Variants in DIAPH3 observed in about 807,000 individuals in gnomAD.
DIAPH3 encodes the protein diaphanous related formin 3, also known as protein diaphanous homolog 3.
A neutral mutation model predicts 144.3 loss-of-function variants in DIAPH3; 117 were observed. That is an observed-to-expected ratio of 0.81 (90% CI 0.70 to 0.95). DIAPH3 has a LOEUF of 0.95. DIAPH3 is among the 40% of genes least tolerant of loss of function. The pLI, the probability that DIAPH3 is intolerant of heterozygous loss-of-function variation, is 0.00. For missense variants in DIAPH3, 1,421 were observed against 1,412.7 expected, an observed-to-expected ratio of 1.01 and a Z score of -0.09; for synonymous variants, 519 against 488.9, an observed-to-expected ratio of 1.06 and a Z score of -0.81.
intron 24 of DIAPH3, 44 bp from the exon 25 acceptor site, chr13:59,810,967 T>C (rs2139557500): frequency 6.5e-7 from 1 of 1,543,234 alleles, no homozygotes; most frequent in Non-Finnish European, 8.8e-7. Context: ...CAGTGATTCA[T>C]CCCGCAAAAT....
At chr13:59,914,426 T>C (rs2047135812) in intron 19 of DIAPH3, among the ~76,000 whole-genome samples, 1 of 152,214 alleles carries the variant, frequency 6.6e-6, no homozygotes, top group African/African-American at 2.4e-5. Flanking sequence ...TTAGAAAGTA[T>C]GATAGGCACA....
chr13:59,839,200 G>T, intron 23 of DIAPH3, 124 bp downstream of exon 23: 2 of 1,212,530 alleles, frequency 1.6e-6, no homozygotes, highest in African/African-American at 1.5e-5. Flanking sequence ...GAAGGCAAAG[G>T]TTAAACTTTC....
chr13:60,123,267 A>G (rs945473658), intron 2 of DIAPH3, among the ~76,000 whole-genome samples: 1 of 152,204 alleles, frequency 6.6e-6, no homozygotes, highest in Non-Finnish European at 1.5e-5. Flanking sequence ...CTGATTGTCT[A>G]TACATCCATT....
intron 25 of DIAPH3, among the ~76,000 whole-genome samples, chr13:59,793,582 T>C (rs944761108): frequency 6.6e-6 from 1 of 152,216 alleles, no homozygotes; most frequent in African/African-American, 2.4e-5. Flanking sequence ...TACCAGACTT[T>C]CTTGGTCTTC....
intron 25 of DIAPH3, among the ~76,000 whole-genome samples, chr13:59,802,767 C>T (rs1382913612): frequency 7.3e-6 from 1 of 137,142 alleles, no homozygotes; most frequent in Non-Finnish European, 1.6e-5. Flanking sequence ...CTGCAAGCTC[C>T]GCTTCGCGGG....
chr13:59,709,535 T>C (rs1391473228), intron 27 of DIAPH3, among the ~76,000 whole-genome samples: 6 of 152,130 alleles, frequency 3.9e-5, no homozygotes, highest in East Asian at 3.9e-4. Context: ...CAAATCAAAA[T>C]CACAATGAGA....
At chr13:59,764,892 T>C (rs2037790505) in intron 27 of DIAPH3, among the ~76,000 whole-genome samples, 2 of 152,174 alleles carry the variant, frequency 1.3e-5, no homozygotes, top group Non-Finnish European at 2.9e-5. Flanking sequence ...CAATTTGTGA[T>C]AATTTGCTAT....
At chr13:60,023,976 C>T (rs1324718943) in intron 5 of DIAPH3, among the ~76,000 whole-genome samples, 3 of 151,358 alleles carry the variant, frequency 2.0e-5, no homozygotes, top group African/African-American at 7.3e-5. Context: ...CTGCCTCAGC[C>T]TCCCAAGTAG....
chr13:60,144,216 C>A (rs560032700), intron 1 of DIAPH3, among the ~76,000 whole-genome samples: 2 of 152,122 alleles, frequency 1.3e-5, no homozygotes, highest in African/African-American at 4.8e-5. Context: ...TTTCCCAATA[C>A]GGATGCCTAT....
chr13:59,680,941 A>C (rs778547932), intron 27 of DIAPH3, among the ~76,000 whole-genome samples: 3 of 152,120 alleles, frequency 2.0e-5, no homozygotes, highest in Non-Finnish European at 2.9e-5. Flanking sequence ...ACACGGAAGC[A>C]ATGTGTTCTG....
At chr13:60,133,206 T>G (rs1368834842) in intron 1 of DIAPH3, among the ~76,000 whole-genome samples, 1 of 152,026 alleles carries the variant, frequency 6.6e-6, no homozygotes, top group Admixed American at 6.6e-5. Flanking sequence ...TTACTAAAAT[T>G]TTTTTACTTT....
intron 19 of DIAPH3, among the ~76,000 whole-genome samples, 180 bp downstream of exon 19, chr13:59,915,975 A>G (rs921276776): frequency 6.6e-6 from 1 of 152,168 alleles, no homozygotes; most frequent in Non-Finnish European, 1.5e-5. Flanking sequence ...TTTCATGTGC[A>G]GTTAAGAGAA....
chr13:60,158,664 C>G (rs1011937490), intron 1 of DIAPH3, among the ~76,000 whole-genome samples: 1 of 152,096 alleles, frequency 6.6e-6, no homozygotes, highest in Non-Finnish European at 1.5e-5. Context: ...CCACATTCCA[C>G]AATCTGGACT....
intron 27 of DIAPH3, among the ~76,000 whole-genome samples, chr13:59,715,239 A>G (rs2034988965): frequency 6.6e-6 from 1 of 152,162 alleles, no homozygotes; most frequent in Non-Finnish European, 1.5e-5. Flanking sequence ...ATTCACCTCA[A>G]GAAGACAGCA....
chr13:59,987,491 A>T (rs1462161152), intron 12 of DIAPH3, among the ~76,000 whole-genome samples: 1 of 125,888 alleles, frequency 7.9e-6, no homozygotes, highest in Admixed American at 9.2e-5. Flanking sequence ...AAAAAAAAAG[A>T]AAAAAAAAAA....
intron 5 of DIAPH3, among the ~76,000 whole-genome samples, chr13:60,031,726 T>C (rs930002097): frequency 7.6e-6 from 1 of 132,210 alleles, no homozygotes; most frequent in Non-Finnish European, 1.6e-5. Flanking sequence ...AGGGCAGTCA[T>C]TAAATCTTTT....
intron 20 of DIAPH3, among the ~76,000 whole-genome samples, chr13:59,904,048 A>C (rs1451048545): frequency 2.6e-5 from 4 of 152,178 alleles, no homozygotes; most frequent in African/African-American, 9.7e-5. Context: ...AAAGATACTG[A>C]ATTTTGTATA....
chr13:59,932,167 A>C lies in DIAPH3; in HGVS notation c.2075-7297T>G, dbSNP rs1237219905. Reference sequence around the variant, plus strand: ...ATTTTATTTTCTTGTCTTTATTCTTAAGAGCAGACTGTAACTTTTTAAAAT... The same window carrying C: ...ATTTTATTTTCTTGTCTTTATTCTTCAGAGCAGACTGTAACTTTTTAAAAT... On this transcript the variant is annotated intron_variant, in intron 17 of 27. Transcript: ENST00000400324. Among the ~76,000 whole-genome samples, 6 of 152,270 alleles carry C rather than the reference A, an allele frequency of 3.9e-5. No individual in the cohort carries two copies. The South Asian group carries it at 8.3e-4, about 21-fold the overall frequency.
At chr13:59,917,889 CAAAAAAA>C (rs60792156) in intron 18 of DIAPH3, among the ~76,000 whole-genome samples, 44 of 18,628 alleles carry the variant, frequency 2.4e-3, no homozygotes, top group Admixed American at 3.1e-3. Flanking sequence ...GACTCTGTCT[CAAAAAAA>C]AAAAAAAAAA....
Sources: allele counts gnomAD v4.1 joint callset (sites outside exome capture counted in the v4.1 genomes callset), GRCh38; gene constraint gnomAD v4.1.1; transcripts MANE v1.5; gene names NCBI Gene and HGNC (gene_info 2026-07-23, HGNC 2026-07-21).